LDLRAD4: variants seen among roughly 807,000 people sequenced by gnomAD.
LDLRAD4 encodes the protein low-density lipoprotein receptor class A domain-containing protein 4.
LDLRAD4 carries 5 observed loss-of-function variants against 17.0 expected under a neutral mutation model. The ratio of observed to expected loss-of-function variants is 0.29; its 90% CI spans 0.15 to 0.62. The LOEUF is 0.62. Ranked by LOEUF, LDLRAD4 falls within the 20% of genes least tolerant of loss-of-function variation. LDLRAD4 has a pLI of 0.84. For synonymous variants in LDLRAD4, 168 were observed against 171.8 expected, an observed-to-expected ratio of 0.98 and a Z score of 0.17; for missense variants, 340 against 424.7, an observed-to-expected ratio of 0.80 and a Z score of 1.75.
chr18:13,389,444 C>T (rs2086097140), intron 2 of LDLRAD4, among the ~76,000 whole-genome samples: 1 of 152,160 alleles, frequency 6.6e-6, no homozygotes, highest in Non-Finnish European at 1.5e-5. Context: ...CCTCCTTGTC[C>T]CTTCTCCCCA....
intron 3 of LDLRAD4, chr18:13,514,371 A>G (rs1269884195): frequency 6.6e-6 from 1 of 152,250 alleles, no homozygotes; most frequent in Non-Finnish European, 1.5e-5. Context: ...TGTCTAGCAT[A>G]TAATAAATAT....
At chr18:13,522,475 G>T (rs1940917) in intron 3 of LDLRAD4, 1 of 151,790 alleles carries the variant, frequency 6.6e-6, no homozygotes, top group Non-Finnish European at 1.5e-5. Flanking sequence ...TGCATATCTC[G>T]TATCTGCACT....
At chr18:13,583,092 A>G (rs774417512) in intron 3 of LDLRAD4, among the ~76,000 whole-genome samples, 3 of 152,062 alleles carry the variant, frequency 2.0e-5, no homozygotes, top group Non-Finnish European at 2.9e-5. Flanking sequence ...CTTTTTGATT[A>G]TTTCACCCGC....
chr18:13,559,530 A>G (rs900549935), intron 3 of LDLRAD4, among the ~76,000 whole-genome samples: 2 of 152,246 alleles, frequency 1.3e-5, no homozygotes, highest in African/African-American at 4.8e-5. Context: ...TGTATCATAT[A>G]TATGTGTATG....
At chr18:13,421,618 C>T (rs547066922) in intron 2 of LDLRAD4, among the ~76,000 whole-genome samples, 3 of 152,310 alleles carry the variant, frequency 2.0e-5, no homozygotes, top group East Asian at 1.9e-4. Context: ...GGCCTTCACG[C>T]GTCAGAAGGC....
intron 1 of LDLRAD4, among the ~76,000 whole-genome samples, chr18:13,267,616 G>A (rs555761370): frequency 1.0e-4 from 16 of 152,386 alleles, no homozygotes; most frequent in African/African-American, 3.8e-4. Context: ...TAACTGAGAT[G>A]AGCAAGCCTC....
chr18:13,429,220 G>T (rs1042483959), intron 2 of LDLRAD4, among the ~76,000 whole-genome samples: 7 of 152,200 alleles, frequency 4.6e-5, no homozygotes, highest in African/African-American at 1.7e-4. Flanking sequence ...CCACATGGGG[G>T]TCTCCAGGGA....
Position 13,221,637 on chromosome 18 carries a change from T to C in LDLRAD4, c.-467+2649T>C, listed in dbSNP as rs143617894. Among the ~76,000 whole-genome samples, 200 of 152,300 alleles carry C rather than the reference T, an allele frequency of 1.3e-3. 1 individual carries two copies. The highest frequency in any genetic ancestry group is 4.5e-3 in the African/African-American group (187 of 41,562). On this transcript the variant is annotated intron_variant, in intron 1 of 5. Coordinates refer to the LDLRAD4 transcript ENST00000399848. ...TGTACTATTAATTATGCTGAAAATA[T>C]TGGGTTTGAATTTTCAGTTAATGTC... is the stretch of plus-strand genomic sequence containing the variant.
At chr18:13,577,428 C>T (rs1240610787) in intron 3 of LDLRAD4, among the ~76,000 whole-genome samples, 1 of 152,124 alleles carries the variant, frequency 6.6e-6, no homozygotes, top group Non-Finnish European at 1.5e-5. Flanking sequence ...TGCCTTTGCT[C>T]AGCCGAGGAC....
At chr18:13,438,203 C>A in intron 2 of LDLRAD4, 41 bp from the exon 4 acceptor site, 1 of 1,593,396 alleles carries the variant, frequency 6.3e-7, no homozygotes. Context: ...GAGCACCAAG[C>A]TTGCATTGAC....
At chr18:13,587,568 T>C (rs2094952572) in intron 3 of LDLRAD4, among the ~76,000 whole-genome samples, 1 of 152,186 alleles carries the variant, frequency 6.6e-6, no homozygotes, top group Non-Finnish European at 1.5e-5. Flanking sequence ...TTAGACAATT[T>C]CAATTACTTG....
chr18:13,249,033 C>T (rs1008232265), intron 1 of LDLRAD4, among the ~76,000 whole-genome samples: 3 of 152,148 alleles, frequency 2.0e-5, no homozygotes, highest in African/African-American at 4.8e-5. Context: ...CTTATTTCAC[C>T]TAACATAATG....
intron 3 of LDLRAD4, among the ~76,000 whole-genome samples, chr18:13,554,109 C>T (rs1484645939): frequency 6.6e-6 from 1 of 152,108 alleles, no homozygotes; most frequent in East Asian, 1.9e-4. Flanking sequence ...TCTCTGCTTC[C>T]CTGGTTCCTG....
intron 3 of LDLRAD4, among the ~76,000 whole-genome samples, chr18:13,441,168 A>G: frequency 6.6e-6 from 1 of 152,096 alleles, no homozygotes; most frequent in Non-Finnish European, 1.5e-5. Context: ...TTGAATGGCT[A>G]TATATTCTCT....
At chr18:13,265,037 C>T (rs1210899951) in intron 1 of LDLRAD4, among the ~76,000 whole-genome samples, 2 of 152,210 alleles carry the variant, frequency 1.3e-5, no homozygotes, top group Non-Finnish European at 2.9e-5. Flanking sequence ...CTGACCCCCT[C>T]CTGGCTCCCT....
chr18:13,464,549 T>G (rs1311012359), intron 3 of LDLRAD4, among the ~76,000 whole-genome samples: 1 of 152,196 alleles, frequency 6.6e-6, no homozygotes, highest in Non-Finnish European at 1.5e-5. Context: ...CAGGTCTTCC[T>G]TTTTCTTTAC....
chr18:13,262,556 G>A (rs1305613668), intron 1 of LDLRAD4, among the ~76,000 whole-genome samples: 3 of 127,654 alleles, frequency 2.4e-5, no homozygotes, highest in African/African-American at 9.9e-5. Context: ...GGCTCTGTGC[G>A]TGGAAACTGA....
intron 1 of LDLRAD4, among the ~76,000 whole-genome samples, chr18:13,265,829 A>C (rs2044184319): frequency 6.6e-6 from 1 of 151,996 alleles, no homozygotes. Context: ...TGCTGCACAC[A>C]GCTCAGGCCT....
At chr18:13,285,795 G>T (rs2045589785) in intron 1 of LDLRAD4, among the ~76,000 whole-genome samples, 1 of 152,132 alleles carries the variant, frequency 6.6e-6, no homozygotes, top group Non-Finnish European at 1.5e-5. Flanking sequence ...ACTCAAGCCA[G>T]TCCTTCAACT....
Sources: allele counts gnomAD v4.1 joint callset (sites outside exome capture counted in the v4.1 genomes callset), GRCh38; gene constraint gnomAD v4.1.1; transcripts MANE v1.5; gene names NCBI Gene and HGNC (gene_info 2026-07-23, HGNC 2026-07-21).